MAP3K7: variants seen among roughly 807,000 people sequenced by gnomAD.
The protein encoded by MAP3K7 is TGF-beta activated kinase 1.
A neutral mutation model predicts 84.8 loss-of-function variants in MAP3K7; 21 were observed. The observed-to-expected ratio is 0.25, with a 90% CI of 0.18 to 0.36. MAP3K7 has a LOEUF of 0.36. Ranked by LOEUF, MAP3K7 falls within the 10% of genes least tolerant of loss-of-function variation. The pLI, the probability that MAP3K7 is intolerant of heterozygous loss-of-function variation, is 1.00. For synonymous variants in MAP3K7, 241 were observed against 247.7 expected (o/e 0.97, Z 0.25); for missense variants, 503 against 747.7 (o/e 0.67, Z 3.82).
chr6:90,561,260 C>A (rs1776503872), intron 4 of MAP3K7, among the ~76,000 whole-genome samples: 1 of 149,552 alleles, frequency 6.7e-6, no homozygotes. Context: ...AAAAATAAAG[C>A]AGAGTGAAAT....
In MAP3K7 at chr6:90,513,977, CAAAAA is replaced by C. The variant is rs1331837233; in HGVS notation, c.*2519_*2523del. 4 of 151,968 alleles carry C rather than the reference CAAAAA, an allele frequency of 2.6e-5. No individual in the cohort carries two copies. The highest frequency in any genetic ancestry group is 7.2e-5 in the African/African-American group (3 of 41,406). 9.4% of individuals were successfully genotyped at this position (151,968 alleles called of 1,614,324 possible). On this transcript the variant is annotated 3_prime_UTR_variant, in exon 17 of 17. Coordinates refer to ENST00000369329, the MANE Select transcript of MAP3K7 (RefSeq NM_145331.3). Reference sequence around the variant, plus strand: ...ATTCTTAACTGATTATTATTCAACTCAAAAAAGTGATTTTTATTGCTCACGAATAC... The same window carrying C: ...ATTCTTAACTGATTATTATTCAACTCAGTGATTTTTATTGCTCACGAATAC...
chr6:90,547,007 T>C (rs1385431167), intron 11 of MAP3K7, among the ~76,000 whole-genome samples: 2 of 152,186 alleles, frequency 1.3e-5, no homozygotes, highest in South Asian at 2.1e-4. Flanking sequence ...AAGAATTACA[T>C]TTGATAAAAT....
chr6:90,542,106 C>T, intron 12 of MAP3K7: 2 of 355,808 alleles, frequency 5.6e-6, no homozygotes, highest in Non-Finnish European at 7.9e-6. Context: ...GGGAAATCCA[C>T]TTAGAACAAA....
chr6:90,564,610 C>T (rs1776639280), intron 3 of MAP3K7, among the ~76,000 whole-genome samples: 1 of 152,134 alleles, frequency 6.6e-6, no homozygotes, highest in Admixed American at 6.5e-5. Context: ...GACTCCCATA[C>T]AATAATATTG....
At chr6:90,546,745 T>C (rs1173468430) in intron 11 of MAP3K7, among the ~76,000 whole-genome samples, 1 of 152,186 alleles carries the variant, frequency 6.6e-6, no homozygotes, top group Non-Finnish European at 1.5e-5. Context: ...ATTATGATAT[T>C]TTATTTTACA....
At chr6:90,544,803 T>C (rs1191045995) in intron 11 of MAP3K7, among the ~76,000 whole-genome samples, 171 bp from the exon 12 acceptor site, 19 of 151,964 alleles carry the variant, frequency 1.3e-4, no homozygotes, top group Non-Finnish European at 1.5e-5. Flanking sequence ...AAAGGCGAGA[T>C]TAAAGAGCAA....
At chr6:90,525,948 A>G (rs1562079823) in intron 13 of MAP3K7, among the ~76,000 whole-genome samples, 2 of 152,186 alleles carry the variant, frequency 1.3e-5, no homozygotes, top group Non-Finnish European at 2.9e-5. Flanking sequence ...TCCTGGGCTC[A>G]AGTGATCCTC....
intron 8 of MAP3K7, 135 bp from the exon 9 acceptor site, chr6:90,550,684 A>C: frequency 1.8e-6 from 1 of 550,184 alleles, no homozygotes; most frequent in Non-Finnish European, 3.2e-6. Flanking sequence ...GATTACAATA[A>C]TGTACTCTTG....
chr6:90,562,620 C>T (rs1219602312), intron 3 of MAP3K7, among the ~76,000 whole-genome samples: 1 of 152,188 alleles, frequency 6.6e-6, no homozygotes, highest in African/African-American at 2.4e-5. Flanking sequence ...GGAGGCCTGC[C>T]CGCCTCTGTA....
chr6:90,543,273 T>C (rs887975750), intron 12 of MAP3K7, among the ~76,000 whole-genome samples: 1 of 151,972 alleles, frequency 6.6e-6, no homozygotes, highest in South Asian at 2.1e-4. Flanking sequence ...TGAATAGCAA[T>C]AGTAATGATG....
intron 13 of MAP3K7, 99 bp downstream of exon 13, chr6:90,536,238 A>G: frequency 2.3e-6 from 2 of 860,240 alleles, no homozygotes; most frequent in East Asian, 2.6e-5. Flanking sequence ...TCACAACTTT[A>G]GGTCAACTCA....
intron 12 of MAP3K7, among the ~76,000 whole-genome samples, chr6:90,539,449 G>C (rs1263285209): frequency 1.3e-4 from 19 of 151,756 alleles, no homozygotes; most frequent in Non-Finnish European, 2.9e-5. Flanking sequence ...CTTAGCCCTA[G>C]GATCCCTATC....
In MAP3K7 at chr6:90,550,537, C is replaced by T. The variant is rs1017533232; in HGVS notation, c.880G>A (p.Ala294Thr). The change falls in exon 9 of 17, where the codon GCA becomes ACA. Residue 294 changes from alanine to threonine, a missense_variant. Coordinates refer to ENST00000369329, the MANE Select transcript of MAP3K7 (RefSeq NM_145331.3). ...MTHLMRYFPGADEPLQYPCQY... is the reference protein window; with the variant it reads ...MTHLMRYFPGTDEPLQYPCQY... ...CAAGGATACTGTAATGGCTCATCTG[C>T]TCCTGGAAAGTACTATATATAAAAA... 9 of 1,608,060 alleles carry T rather than the reference C, an allele frequency of 5.6e-6. No individual in the cohort carries two copies. Among genetic ancestry groups the T allele is most frequent in the East Asian group, 2.2e-5 (1 of 44,764 alleles).
intron 5 of MAP3K7, among the ~76,000 whole-genome samples, chr6:90,558,084 A>T (rs1437732367): frequency 3.3e-5 from 5 of 152,104 alleles, no homozygotes; most frequent in African/African-American, 7.2e-5. Flanking sequence ...GCACTTTGGG[A>T]GGCTGAGGCG....
chr6:90,563,478 T>C (rs1293898745), intron 3 of MAP3K7, among the ~76,000 whole-genome samples: 7 of 152,066 alleles, frequency 4.6e-5, no homozygotes, highest in African/African-American at 1.7e-4. Flanking sequence ...GTATCAGTGA[T>C]TGAAGATCAA....
intron 3 of MAP3K7, 126 bp downstream of exon 3, chr6:90,568,432 G>T: frequency 1.5e-6 from 1 of 675,918 alleles, no homozygotes; most frequent in Non-Finnish European, 2.4e-6. Context: ...TTTTTATCTT[G>T]AAAAAATATA....
chr6:90,582,144 T>C (rs1467591509), intron 1 of MAP3K7, among the ~76,000 whole-genome samples: 1 of 152,196 alleles, frequency 6.6e-6, no homozygotes, highest in Non-Finnish European at 1.5e-5. Flanking sequence ...GGCTTACTCA[T>C]AGCATCTGGC....
At chr6:90,560,297 CAT>C (rs1342059953) in intron 4 of MAP3K7, 83 bp from the exon 5 acceptor site, 316 of 1,391,286 alleles carry the variant, frequency 2.3e-4, no homozygotes, top group Non-Finnish European at 2.9e-4. Flanking sequence ...TATCAGAACA[CAT>C]GACTGGGTAT....
At chr6:90,531,956 G>GAAA (rs796192167) in intron 13 of MAP3K7, among the ~76,000 whole-genome samples, 14 of 118,512 alleles carry the variant, frequency 1.2e-4, no homozygotes, top group Non-Finnish European at 2.5e-4. Flanking sequence ...CTGTGTCTCG[G>GAAA]AAAAAAAAAA....
Sources: allele counts gnomAD v4.1 joint callset (sites outside exome capture counted in the v4.1 genomes callset), GRCh38; gene constraint gnomAD v4.1.1; transcripts MANE v1.5; gene names NCBI Gene and HGNC (gene_info 2026-07-23, HGNC 2026-07-21).